The following ZBTB16 variants were observed in gnomAD, a reference collection of about 807,000 sequenced individuals.
The protein encoded by ZBTB16 is zinc finger and BTB domain containing 16.
Under a neutral mutation model 56.8 loss-of-function variants are expected in ZBTB16, and 8 were observed. The ratio of observed to expected loss-of-function variants is 0.14; its 90% CI spans 0.08 to 0.25. The LOEUF is 0.25. Among genes scored for constraint, ZBTB16 ranks in the 10% least tolerant of loss-of-function variants. The pLI, the probability that ZBTB16 is intolerant of heterozygous loss-of-function variation, is 1.00. For synonymous variants in ZBTB16, 363 were observed against 368.5 expected (o/e 0.98, Z 0.17); for missense variants, 625 against 903.0 (o/e 0.69, Z 3.95).
intron 2 of ZBTB16, among the ~76,000 whole-genome samples, chr11:114,095,245 C>CTTTTTTTTTTTTTT (rs745895999): frequency 8.8e-5 from 8 of 90,480 alleles, no homozygotes; most frequent in African/African-American, 3.7e-4. Flanking sequence ...CTTTTCTTTT[C>CTTTTTTTTTTTTTT]TTTTTTTTTT....
chr11:114,226,643 A>G (rs1944332715), intron 4 of ZBTB16, among the ~76,000 whole-genome samples: 1 of 152,118 alleles, frequency 6.6e-6, no homozygotes, highest in East Asian at 1.9e-4. Flanking sequence ...CAGAGTGCCC[A>G]GGGTTGGCGT....
At chr11:114,237,862 T>G (rs1944624015) in intron 4 of ZBTB16, among the ~76,000 whole-genome samples, 2 of 152,212 alleles carry the variant, frequency 1.3e-5, no homozygotes, top group Non-Finnish European at 2.9e-5. Context: ...TCATAGCTGT[T>G]AGTTTCTAAG....
intron 6 of ZBTB16, among the ~76,000 whole-genome samples, chr11:114,249,142 G>C (rs1413711043): frequency 6.6e-6 from 1 of 151,920 alleles, no homozygotes; most frequent in Non-Finnish European, 1.5e-5. Flanking sequence ...GGGAGGCAGG[G>C]TCCAGGGCAA....
intron 2 of ZBTB16, among the ~76,000 whole-genome samples, chr11:114,076,587 C>T (rs1939573913): frequency 6.6e-6 from 1 of 152,170 alleles, no homozygotes; most frequent in Non-Finnish European, 1.5e-5. Context: ...AATTAAGGAT[C>T]CGCTAACATT....
At chr11:114,162,676 G>T (rs78312340) in intron 3 of ZBTB16, among the ~76,000 whole-genome samples, 5 of 152,176 alleles carry the variant, frequency 3.3e-5, no homozygotes, top group Non-Finnish European at 5.9e-5. Flanking sequence ...AAGAAACTTC[G>T]TTCATGTTCC....
chr11:114,228,089 C>T (rs1357575689), intron 4 of ZBTB16, among the ~76,000 whole-genome samples: 18 of 152,112 alleles, frequency 1.2e-4, no homozygotes, highest in Admixed American at 1.1e-3. Context: ...GGCAGTCTGG[C>T]GAAACCCCTG....
chr11:114,147,860 G>A (rs1942149586), intron 2 of ZBTB16, among the ~76,000 whole-genome samples: 1 of 152,146 alleles, frequency 6.6e-6, no homozygotes, highest in African/African-American at 2.4e-5. Flanking sequence ...TGGCTACCAG[G>A]AACTTCACAG....
intron 2 of ZBTB16, among the ~76,000 whole-genome samples, chr11:114,089,761 A>G (rs149081976): frequency 1.2e-3 from 179 of 152,290 alleles, no homozygotes; most frequent in African/African-American, 4.1e-3. Flanking sequence ...TTCTCTGCAG[A>G]ATTTGTGAAC....
chr11:114,081,181 G>A (rs1939743527), intron 2 of ZBTB16, among the ~76,000 whole-genome samples: 1 of 152,202 alleles, frequency 6.6e-6, no homozygotes, highest in African/African-American at 2.4e-5. Flanking sequence ...TGACTTGAGA[G>A]CAGTTTCAGA....
chr11:114,169,372 A>G (rs1349844058), intron 3 of ZBTB16, among the ~76,000 whole-genome samples: 1 of 152,132 alleles, frequency 6.6e-6, no homozygotes, highest in African/African-American at 2.4e-5. Flanking sequence ...GGTTGTGTCC[A>G]TTCTCTGACA....
At position 114,255,664 on chromosome 11, in the gene ZBTB16, C is replaced by T. The variant is rs1006962677; in HGVS notation, c.*5109C>T. The stretch of plus-strand genomic sequence containing the variant: ...GGTTGCAGCTTTCCGCATCTGCCTT[C>T]GTTTCGTGTAGATTGACGCGTTTCT... On this transcript the variant is annotated 3_prime_UTR_variant, in exon 7 of 7. Coordinates refer to ENST00000335953, the MANE Select transcript of ZBTB16 (RefSeq NM_006006.6). 4.0e-5 allele frequency among the ~76,000 whole-genome samples: 6 copies of T among 148,226 alleles called. No homozygotes were observed. The South Asian group carries it at 8.5e-4, about 21-fold the overall frequency.
chr11:114,127,780 A>G (rs964514345), intron 2 of ZBTB16, among the ~76,000 whole-genome samples: 6 of 152,212 alleles, frequency 3.9e-5, no homozygotes, highest in African/African-American at 9.6e-5. Context: ...GCACATGGCT[A>G]TGCAGACTCT....
chr11:114,148,469 C>CTCTT lies in ZBTB16; in HGVS notation c.1269-7843_1269-7840dup, dbSNP rs1555144000. Among the ~76,000 whole-genome samples the CTCTT allele has an allele frequency of 6.3e-3, 385 of 60,930 alleles. 47 individuals are homozygous for CTCTT. The highest frequency in any genetic ancestry group is 0.015 in the East Asian group (34 of 2,252). 40.0% of individuals were successfully genotyped at this position (60,930 alleles called of 152,430 possible). A position where few individuals can be genotyped will look rare whatever the true frequency, so the allele number is the denominator to read the frequency against. On this transcript the variant is annotated intron_variant, in intron 2 of 6. Transcript: ENST00000335953. ...TCTCTGTCTGTCTGTCTCTCTCTCT[C>CTCTT]TCTTTCTTTCTTTCTTTCTTTCTTT...
intron 2 of ZBTB16, among the ~76,000 whole-genome samples, chr11:114,075,456 T>C (rs1939517730): frequency 1.1e-5 from 1 of 89,158 alleles, no homozygotes; most frequent in Non-Finnish European, 2.2e-5. Context: ...AAATTAAGGG[T>C]TTTTTTTCTT....
chr11:114,120,884 A>C (rs928966953), intron 2 of ZBTB16, among the ~76,000 whole-genome samples: 2 of 152,184 alleles, frequency 1.3e-5, no homozygotes, highest in South Asian at 4.1e-4. Context: ...TCTCCTCTTC[A>C]GCCTTTTGGA....
chr11:114,111,180 T>TGTGTGTGTGTGC (rs1436980516), intron 2 of ZBTB16, among the ~76,000 whole-genome samples: 1 of 151,764 alleles, frequency 6.6e-6, no homozygotes, highest in East Asian at 1.9e-4. Context: ...TGTGTGTGTG[T>TGTGTGTGTGTGC]GCACGCGCGA....
At chr11:114,212,850 G>T (rs566927949) in intron 4 of ZBTB16, among the ~76,000 whole-genome samples, 1 of 152,100 alleles carries the variant, frequency 6.6e-6, no homozygotes, top group East Asian at 1.9e-4. Flanking sequence ...CACGTGTGCC[G>T]GAGGAATTGC....
Position 114,063,858 on chromosome 11 carries a change from A to G in ZBTB16, c.558A>G (p.Ser186=), listed in dbSNP as rs1938993418. 2 of 1,614,152 alleles carry G rather than the reference A, an allele frequency of 1.2e-6. No homozygotes were observed. The highest frequency in any genetic ancestry group is 2.7e-5 in the African/African-American group (2 of 75,060). The part of the protein sequence containing the change: ...LPGPMVDQSP[S]VSTSFGLSAM... ...GGCCCATGGTGGACCAGAGCCCTTC[A>G]GTCTCCACTTCATTTGGTCTTTCAG... The change falls in exon 2 of 7, where the codon TCA becomes TCG. Residue 186 remains serine (S), a synonymous_variant. Coordinates refer to ENST00000335953, the MANE Select transcript of ZBTB16 (RefSeq NM_006006.6). The surrounding 1 kb of genome is among the most constrained non-coding windows in gnomAD (Gnocchi z 6.5).
At chr11:114,160,788 C>G (rs925810199) in intron 3 of ZBTB16, among the ~76,000 whole-genome samples, 3 of 152,170 alleles carry the variant, frequency 2.0e-5, no homozygotes, top group Non-Finnish European at 2.9e-5. Flanking sequence ...TATCAATAAC[C>G]AAACTCATTA....
Sources: gnomAD v4.1 joint callset for allele counts (sites outside exome capture counted in the v4.1 genomes callset) on GRCh38, gnomAD v4.1.1 for gene constraint, Gnocchi (gnomAD v3.1) non-coding constraint, MANE v1.5 for transcripts, NCBI Gene and HGNC (gene_info 2026-07-23, HGNC 2026-07-21) for gene names.